Variants in SLC4A10 observed in about 807,000 individuals in gnomAD.
The protein encoded by SLC4A10 is solute carrier family 4 member 10.
SLC4A10 carries 42 observed loss-of-function variants against 137.7 expected under a neutral mutation model. The ratio of observed to expected loss-of-function variants is 0.30; its 90% CI spans 0.24 to 0.39. The LOEUF (loss-of-function observed/expected upper bound fraction) is 0.39. SLC4A10 is among the 10% of genes least tolerant of loss of function. SLC4A10 has a pLI of 1.00. For missense variants in SLC4A10, 925 were observed against 1,355.0 expected, an observed-to-expected ratio of 0.68 and a Z score of 4.98; for synonymous variants, 474 against 464.1, an observed-to-expected ratio of 1.02 and a Z score of -0.27.
rs202119158 is a variant in SLC4A10 at position 161,874,121 on chromosome 2, A to G, written c.948+116A>G. ...ATGTATTCCATCTGCCACTCTAAGAACTATCTTTTTAAAGCATTGCATCTT... is the reference window on the plus strand; with the variant it reads ...ATGTATTCCATCTGCCACTCTAAGAGCTATCTTTTTAAAGCATTGCATCTT... On this transcript the variant is annotated intron_variant, in intron 8 of 26. Coordinates refer to ENST00000446997, the MANE Select transcript of SLC4A10 (RefSeq NM_001178015.2). 5.5e-6 allele frequency: 6 copies of G among 1,088,140 alleles called. No individual in the cohort carries two copies. In the East Asian group the frequency reaches 1.3e-4, roughly 24 times the overall value. The allele number at this position is 1,088,140 out of a possible 1,614,324, so 67.4% of individuals were successfully genotyped here.
chr2:161,656,452 T>C (rs2037543901), intron 1 of SLC4A10, among the ~76,000 whole-genome samples: 2 of 152,082 alleles, frequency 1.3e-5, no homozygotes, highest in Non-Finnish European at 2.9e-5. Context: ...CACAAGAACA[T>C]AGAAATGACA....
intron 15 of SLC4A10, among the ~76,000 whole-genome samples, chr2:161,921,768 G>A (rs1345159691): frequency 1.3e-5 from 2 of 152,158 alleles, no homozygotes; most frequent in Non-Finnish European, 2.9e-5. Context: ...GTAAATGGGG[G>A]TAAACCCAGG....
chr2:161,766,702 G>A (rs2050834795), intron 1 of SLC4A10, among the ~76,000 whole-genome samples: 1 of 151,250 alleles, frequency 6.6e-6, no homozygotes, highest in Non-Finnish European at 1.5e-5. Flanking sequence ...GTATTTCTCT[G>A]GTTTGGGAAA....
At chr2:161,745,812 T>C (rs2048332688) in intron 1 of SLC4A10, among the ~76,000 whole-genome samples, 1 of 152,204 alleles carries the variant, frequency 6.6e-6, no homozygotes, top group Non-Finnish European at 1.5e-5. Flanking sequence ...GGTAACACGG[T>C]GGCTCTTGCA....
intron 19 of SLC4A10, among the ~76,000 whole-genome samples, chr2:161,953,145 T>C (rs1283020934): frequency 6.6e-6 from 1 of 152,232 alleles, no homozygotes; most frequent in Admixed American, 6.5e-5. Flanking sequence ...AAACACTTGG[T>C]AGACTCCACA....
intron 25 of SLC4A10, 50 bp from the exon 26 acceptor site, chr2:161,977,672 C>T (rs898835513): frequency 1.3e-6 from 2 of 1,528,650 alleles, no homozygotes; most frequent in East Asian, 2.3e-5. Context: ...TTTTCGTAAC[C>T]TTAAATTAAC....
chr2:161,677,454 C>CTG (rs2040391205), intron 1 of SLC4A10, among the ~76,000 whole-genome samples: 1 of 152,092 alleles, frequency 6.6e-6, no homozygotes, highest in Non-Finnish European at 1.5e-5. Context: ...CTGCAGAACA[C>CTG]CAGAAAACTA....
chr2:161,885,949 C>A (rs1280164867), intron 10 of SLC4A10, among the ~76,000 whole-genome samples: 1 of 151,756 alleles, frequency 6.6e-6, no homozygotes. Flanking sequence ...CCAAAAAATT[C>A]AAAAAAATTT....
chr2:161,776,033 T>C (rs2125445931), intron 2 of SLC4A10, among the ~76,000 whole-genome samples: 1 of 151,976 alleles, frequency 6.6e-6, no homozygotes, highest in African/African-American at 2.4e-5. Flanking sequence ...TATTTTTATG[T>C]AGATCAAATA....
At position 161,920,787 on chromosome 2, in the gene SLC4A10, A is replaced by G. The variant is rs117007118; in HGVS notation, c.1997+14900A>G. Among the ~76,000 whole-genome samples, 11 of 152,362 alleles carry G rather than the reference A, an allele frequency of 7.2e-5. No homozygotes were observed. In the East Asian group the frequency reaches 2.1e-3, roughly 29 times the overall value. ...AAATGGGCAAAATGTTCAAGGAATA[A>G]TAAGTAGGTTTACTGTTCTGTTCAT... On this transcript the variant is annotated intron_variant, in intron 15 of 26. Transcript: ENST00000446997.
intron 2 of SLC4A10, among the ~76,000 whole-genome samples, chr2:161,771,909 C>G (rs1353555355): frequency 6.6e-6 from 1 of 151,688 alleles, no homozygotes; most frequent in Non-Finnish European, 1.5e-5. Context: ...AGAGAGCTCC[C>G]AATAAACCAC....
chr2:161,694,472 TAAA>T (rs60022977), intron 1 of SLC4A10, among the ~76,000 whole-genome samples: 2 of 146,868 alleles, frequency 1.4e-5, no homozygotes, highest in Non-Finnish European at 3.0e-5. Context: ...AGCAGATTGT[TAAA>T]AAAAAAAAAA....
intron 1 of SLC4A10, among the ~76,000 whole-genome samples, chr2:161,722,799 A>G (rs2045827610): frequency 6.6e-6 from 1 of 152,146 alleles, no homozygotes; most frequent in South Asian, 2.1e-4. Context: ...AACCCACAAG[A>G]CTGCGTCCTC....
chr2:161,894,749 A>G lies in SLC4A10; in HGVS notation c.1265A>G (p.Asp422Gly). The change falls in exon 11 of 27, where the codon GAT becomes GGT. Residue 422 changes from aspartate (D) to glycine (G), a missense_variant. This residue lies in a region of SLC4A10 where 15 missense variants were observed against 49.1 expected (regional missense o/e 0.31). Coordinates refer to ENST00000446997, the MANE Select transcript of SLC4A10 (RefSeq NM_001178015.2). ...DLVSGIDEFL[D>G]QVTVLPPGEW... The stretch of plus-strand genomic sequence containing the variant: ...GTATCAGGAATTGATGAGTTTCTGG[A>G]TCAGGTTACTGTTCTCCCTCCTGGA... 1 of 1,449,158 alleles carries G rather than the reference A, an allele frequency of 6.9e-7. No individual in the cohort carries two copies. Among genetic ancestry groups the G allele is most frequent in the Non-Finnish European group, 9.2e-7 (1 of 1,090,516 alleles). The allele number at this position is 1,449,158 out of a possible 1,614,324, so 89.8% of individuals were successfully genotyped here. A position where few individuals can be genotyped will look rare whatever the true frequency, so the allele number is the denominator to read the frequency against.
At chr2:161,853,498 A>G (rs1029603175) in intron 4 of SLC4A10, among the ~76,000 whole-genome samples, 6 of 152,198 alleles carry the variant, frequency 3.9e-5, no homozygotes, top group Non-Finnish European at 2.9e-5. Flanking sequence ...GACTCACCCA[A>G]TTAAAAGGGA....
At chr2:161,808,410 AC>A (rs1320627269) in intron 3 of SLC4A10, among the ~76,000 whole-genome samples, 1 of 151,996 alleles carries the variant, frequency 6.6e-6, no homozygotes, top group Admixed American at 6.6e-5. Context: ...AAACATTTTG[AC>A]TACATGTGTC....
At chr2:161,640,132 A>G (rs2035065748) in intron 1 of SLC4A10, among the ~76,000 whole-genome samples, 1 of 152,124 alleles carries the variant, frequency 6.6e-6, no homozygotes, top group African/African-American at 2.4e-5. Flanking sequence ...TTATTTCAGT[A>G]AGGACTCAAA....
In SLC4A10 at chr2:161,972,759, C is replaced by T. The variant is rs191078914; in HGVS notation, c.3160-1490C>T. ...GCAGTCTCTGGCATCTCCATTATCC[C>T]GAATCATAGGGTGGGCACAGAGATT... is the stretch of plus-strand genomic sequence containing the variant. On this transcript the variant is annotated intron_variant, in intron 23 of 26. Transcript: ENST00000446997. 2.4e-3 allele frequency among the ~76,000 whole-genome samples: 361 copies of T among 152,144 alleles called. 1 individual carries two copies. Among genetic ancestry groups the T allele is most frequent in the African/African-American group, 8.3e-3 (343 of 41,494 alleles).
At chr2:161,913,869 A>G (rs149147603) in intron 15 of SLC4A10, among the ~76,000 whole-genome samples, 197 of 152,318 alleles carry the variant, frequency 1.3e-3, no homozygotes, top group African/African-American at 4.6e-3. Flanking sequence ...AATTTTACAT[A>G]GGATATCTGC....
Sources: allele counts gnomAD v4.1 joint callset (sites outside exome capture counted in the v4.1 genomes callset), GRCh38; gene constraint gnomAD v4.1.1; regional missense constraint gnomAD v4.1.1; transcripts MANE v1.5; gene names NCBI Gene and HGNC (gene_info 2026-07-23, HGNC 2026-07-21).